The following FARP2 variants were observed in gnomAD, a reference collection of about 807,000 sequenced individuals.
FARP2 encodes FERM, ARHGEF and pleckstrin domain-containing protein 2.
In FARP2, 111 loss-of-function variants were observed where a neutral mutation model predicts 130.5. The ratio of observed to expected loss-of-function variants is 0.85; its 90% CI spans 0.73 to 1.00. The LOEUF (loss-of-function observed/expected upper bound fraction) is 1.00. FARP2 is among the 50% of genes least tolerant of loss of function. FARP2 has a pLI of 0.00. For synonymous variants in FARP2, 504 were observed against 516.9 expected (o/e 0.98, Z 0.34); for missense variants, 1,385 against 1,346.3 (o/e 1.03, Z -0.45).
intron 14 of FARP2, among the ~76,000 whole-genome samples, chr2:241,461,268 C>T (rs2064009437): frequency 6.6e-6 from 1 of 152,148 alleles, no homozygotes; most frequent in Non-Finnish European, 1.5e-5. Context: ...GGATCTCACC[C>T]CTCACCCCTC....
chr2:241,483,127 A>C (rs1396130468), intron 19 of FARP2, among the ~76,000 whole-genome samples: 1 of 152,192 alleles, frequency 6.6e-6, no homozygotes, highest in Non-Finnish European at 1.5e-5. Flanking sequence ...CTCAGATGAC[A>C]TCTTTGTGGC....
At chr2:241,399,562 G>A (rs1394434053) in intron 2 of FARP2, among the ~76,000 whole-genome samples, 2 of 152,052 alleles carry the variant, frequency 1.3e-5, no homozygotes, top group African/African-American at 2.4e-5. Context: ...CATCTGCCTC[G>A]GCCTCCCAAA....
chr2:241,425,737 CTCTCTT>C (rs1364573066), intron 8 of FARP2, among the ~76,000 whole-genome samples: 4 of 119,568 alleles, frequency 3.3e-5, no homozygotes, highest in Non-Finnish European at 5.0e-5. Flanking sequence ...ATTTCTCTCT[CTCTCTT>C]TTTTTTTTTT....
At chr2:241,402,204 C>T (rs996453778) in intron 2 of FARP2, among the ~76,000 whole-genome samples, 1 of 152,214 alleles carries the variant, frequency 6.6e-6, no homozygotes, top group African/African-American at 2.4e-5. Context: ...AAGGTAAATG[C>T]ACACTTTAAA....
intron 14 of FARP2, among the ~76,000 whole-genome samples, chr2:241,461,799 C>T (rs764127919): frequency 2.0e-4 from 31 of 152,302 alleles, no homozygotes; most frequent in Admixed American, 5.2e-4. Flanking sequence ...AGGGAGAGGA[C>T]GGAGAAGAGG....
At position 241,375,356 on chromosome 2, in the gene FARP2, G is replaced by GA. The variant is rs202223750; in HGVS notation, c.183+2073dup. On this transcript the variant is annotated intron_variant, in intron 2 of 26. Transcript: ENST00000264042. ...CTTGTAATAGGTGCAAAATTTAAGA[G>GA]AAAAAAAGTGAAAGAAAAATAATTG... Among the ~76,000 whole-genome samples the GA allele has an allele frequency of 5.8e-3, 878 of 151,092 alleles. 16 individuals carry two copies. The highest frequency in any genetic ancestry group is 0.02 in the African/African-American group (818 of 41,272).
chr2:241,433,992 C>T (rs1473643049), intron 9 of FARP2, among the ~76,000 whole-genome samples, 166 bp from the exon 10 acceptor site: 1 of 152,062 alleles, frequency 6.6e-6, no homozygotes, highest in African/African-American at 2.4e-5. Flanking sequence ...GCCAAGATCA[C>T]GCCATTGCAC....
At position 241,459,387 on chromosome 2, in the gene FARP2, C is replaced by T. The variant is rs954074477; in HGVS notation, c.1587+2465C>T. On this transcript the variant is annotated intron_variant, in intron 14 of 26. Transcript: ENST00000264042. This position sits in a 1 kb window ranked among gnomAD's most constrained non-coding sequence, Gnocchi z 5.3. Reference sequence around the variant, plus strand: ...AGCACGTGCTGCCACTGAGGCCACCCGTCAAGCTTTTGCACTTGCACCCAG... The same window carrying T: ...AGCACGTGCTGCCACTGAGGCCACCTGTCAAGCTTTTGCACTTGCACCCAG... Among the ~76,000 whole-genome samples, 1 of 152,214 alleles carries T rather than the reference C, an allele frequency of 6.6e-6. No individual in the cohort carries two copies. Among genetic ancestry groups the T allele is most frequent in the Non-Finnish European group, 1.5e-5 (1 of 68,034 alleles).
intron 12 of FARP2, among the ~76,000 whole-genome samples, chr2:241,437,662 A>ATTTTTTTTTTTTTTTTTTT (rs1254102658): frequency 2.2e-5 from 3 of 135,412 alleles, no homozygotes; most frequent in East Asian, 2.4e-4. Flanking sequence ...TTATTTATTT[A>ATTTTTTTTTTTTTTTTTTT]TTTATTTATT....
At chr2:241,413,451 T>C in intron 7 of FARP2, 30 bp downstream of exon 7, 1 of 1,397,118 alleles carries the variant, frequency 7.2e-7, no homozygotes. Context: ...TGTCAACACA[T>C]TGTCACCACA....
intron 24 of FARP2, among the ~76,000 whole-genome samples, chr2:241,492,093 G>T (rs1574921042): frequency 6.6e-6 from 1 of 152,320 alleles, no homozygotes; most frequent in East Asian, 1.9e-4. Context: ...CATGGGCCCG[G>T]TCTGCCATTG....
At chr2:241,358,899 A>G (rs1468012756) in intron 1 of FARP2, among the ~76,000 whole-genome samples, 1 of 152,226 alleles carries the variant, frequency 6.6e-6, no homozygotes, top group Non-Finnish European at 1.5e-5. Flanking sequence ...AAATTGGTCT[A>G]ATCTTTTTGG....
At chr2:241,484,442 T>C in intron 21 of FARP2, 111 bp downstream of exon 21, 1 of 841,048 alleles carries the variant, frequency 1.2e-6, no homozygotes, top group Non-Finnish European at 2.0e-6. Context: ...GAGCAGCACC[T>C]GCTGAGTATT....
intron 2 of FARP2, among the ~76,000 whole-genome samples, chr2:241,393,448 T>G (rs1214017984): frequency 6.6e-6 from 1 of 152,158 alleles, no homozygotes; most frequent in East Asian, 1.9e-4. Context: ...TTGGTGACCT[T>G]TCAAAGAATG....
chr2:241,389,795 T>G (rs1188484239), intron 2 of FARP2, among the ~76,000 whole-genome samples: 2 of 152,210 alleles, frequency 1.3e-5, no homozygotes, highest in Non-Finnish European at 2.9e-5. Flanking sequence ...TTTGCAGCGC[T>G]TATTCTATTT....
intron 1 of FARP2, among the ~76,000 whole-genome samples, chr2:241,357,378 G>A (rs761162918): frequency 7.2e-5 from 11 of 152,200 alleles, no homozygotes; most frequent in Admixed American, 1.3e-4. Context: ...AGAGAGATGG[G>A]AGAGGACATT....
intron 7 of FARP2, among the ~76,000 whole-genome samples, chr2:241,417,511 C>T (rs1467679616): frequency 1.3e-5 from 2 of 152,092 alleles, no homozygotes; most frequent in African/African-American, 4.8e-5. Flanking sequence ...TTAGCAGAGA[C>T]AGGGTTTCGC....
intron 13 of FARP2, chr2:241,446,317 A>T (rs966630139): frequency 6.6e-6 from 1 of 152,272 alleles, no homozygotes; most frequent in Admixed American, 6.5e-5. Flanking sequence ...CTGATGATTG[A>T]GGGATGGACA....
chr2:241,436,425 A>G (rs2063231801), intron 11 of FARP2, 56 bp from the exon 12 acceptor site: 1 of 1,513,374 alleles, frequency 6.6e-7, no homozygotes, highest in East Asian at 2.3e-5. Flanking sequence ...TGCTTTAAAA[A>G]CAGGCGCTGA....
Sources: gnomAD v4.1 joint callset for allele counts (sites outside exome capture counted in the v4.1 genomes callset) on GRCh38, gnomAD v4.1.1 for gene constraint, Gnocchi (gnomAD v3.1) non-coding constraint, MANE v1.5 for transcripts, NCBI Gene and HGNC (gene_info 2026-07-23, HGNC 2026-07-21) for gene names.